The following NAA15 variants were observed in gnomAD, a reference collection of about 807,000 sequenced individuals.
NAA15 encodes the protein N-alpha-acetyltransferase 15, NatA auxiliary subunit, also known as N-terminal acetyltransferase.
A neutral mutation model predicts 114.0 loss-of-function variants in NAA15; 34 were observed. The ratio of observed to expected loss-of-function variants is 0.30; its 90% CI spans 0.23 to 0.40. The LOEUF (loss-of-function observed/expected upper bound fraction) is 0.40, where lower values mean the gene tolerates loss of function less well. Among genes scored for constraint, NAA15 ranks in the 10% least tolerant of loss-of-function variants. NAA15 has a pLI of 1.00. For synonymous variants in NAA15, 340 were observed against 338.0 expected, an observed-to-expected ratio of 1.01 and a Z score of -0.06; for missense variants, 658 against 1,004.5, an observed-to-expected ratio of 0.66 and a Z score of 4.66.
intron 15 of NAA15, 35 bp downstream of exon 15, chr4:139,370,439 C>G: frequency 6.7e-7 from 1 of 1,491,166 alleles, no homozygotes; most frequent in Non-Finnish European, 8.9e-7. Flanking sequence ...AATTGAGTGA[C>G]ATTTTATGAC....
At chr4:139,363,959 C>T (rs1358126592) in intron 14 of NAA15, among the ~76,000 whole-genome samples, 6 of 152,238 alleles carry the variant, frequency 3.9e-5, no homozygotes, top group African/African-American at 9.6e-5. Flanking sequence ...TAGCTCACTG[C>T]AGCCTTGAGC....
At chr4:139,358,265 T>C (rs369627157) in intron 11 of NAA15, among the ~76,000 whole-genome samples, 2 of 151,476 alleles carry the variant, frequency 1.3e-5, no homozygotes, top group East Asian at 3.9e-4. Context: ...CGATCTCAGC[T>C]CCCTGCAATG....
chr4:139,318,888 G>A (rs1338445173), intron 1 of NAA15, among the ~76,000 whole-genome samples: 1 of 151,106 alleles, frequency 6.6e-6, no homozygotes, highest in African/African-American at 2.4e-5. Context: ...ATAAGTAACA[G>A]CTAAAAGAAC....
chr4:139,376,459 T>C lies in NAA15; in HGVS notation c.2042T>C (p.Ile681Thr). The C allele has an allele frequency of 6.2e-7, 1 of 1,607,776 alleles. No homozygotes were observed. The highest frequency in any genetic ancestry group is 8.5e-7 in the Non-Finnish European group (1 of 1,174,534). ...GAGACTCATCTTTTTGCCTTTGAGATTTACTTTAGGAAAGGTAGGCAATTA... is the reference window on the plus strand; with the variant it reads ...GAGACTCATCTTTTTGCCTTTGAGACTTACTTTAGGAAAGGTAGGCAATTA... ...KIETHLFAFE[I>T]YFRKEKFLLM... Residue 681 changes from isoleucine to threonine, a missense_variant, in exon 16 of 20, where the codon ATT becomes ACT. Ile to Thr is a moderately conservative substitution (Grantham distance 89). This residue lies in a region of NAA15 where 275 missense variants were observed against 371.1 expected (regional missense o/e 0.74). Transcript: ENST00000296543.
chr4:139,346,021 G>A (rs899095025), intron 6 of NAA15, among the ~76,000 whole-genome samples: 1 of 152,134 alleles, frequency 6.6e-6, no homozygotes, highest in African/African-American at 2.4e-5. Context: ...GTGCCGGTAG[G>A]TGAAATGGGA....
At chr4:139,387,500 T>C (rs1032536521) in intron 19 of NAA15, among the ~76,000 whole-genome samples, 5 of 152,328 alleles carry the variant, frequency 3.3e-5, no homozygotes, top group African/African-American at 1.2e-4. Context: ...TGTGCAGTAA[T>C]TGGTATTGGC....
At chr4:139,370,723 C>T (rs1223238087) in intron 15 of NAA15, among the ~76,000 whole-genome samples, 3 of 152,154 alleles carry the variant, frequency 2.0e-5, no homozygotes, top group East Asian at 3.8e-4. Context: ...TTTGTCTAAC[C>T]TCTCTGATGG....
At chr4:139,376,931 G>C (rs1179245961) in intron 16 of NAA15, among the ~76,000 whole-genome samples, 1 of 152,190 alleles carries the variant, frequency 6.6e-6, no homozygotes, top group Non-Finnish European at 1.5e-5. Context: ...TATCTGTTAA[G>C]AAAACATAGG....
intron 3 of NAA15, among the ~76,000 whole-genome samples, 168 bp from the exon 4 acceptor site, chr4:139,340,744 C>A (rs1252547011): frequency 1.3e-5 from 2 of 152,170 alleles, no homozygotes; most frequent in South Asian, 4.1e-4. Flanking sequence ...GTGCTCTTTT[C>A]CACTGTATTA....
chr4:139,316,156 C>T (rs1746404961), intron 1 of NAA15, among the ~76,000 whole-genome samples: 1 of 151,806 alleles, frequency 6.6e-6, no homozygotes. Context: ...TAAAGCTCAT[C>T]ATCTAGTAGA....
At chr4:139,344,155 T>A in intron 5 of NAA15, 31 bp from the exon 6 acceptor site, 1 of 1,520,372 alleles carries the variant, frequency 6.6e-7, no homozygotes, top group Non-Finnish European at 8.9e-7. Flanking sequence ...ATAAAATTCT[T>A]ACTGTCAGTA....
intron 1 of NAA15, among the ~76,000 whole-genome samples, chr4:139,322,942 T>C (rs1746669495): frequency 6.6e-6 from 1 of 151,256 alleles, no homozygotes; most frequent in Non-Finnish European, 1.5e-5. Context: ...CCGCCCACCT[T>C]GTCCTCCCCA....
intron 11 of NAA15, among the ~76,000 whole-genome samples, chr4:139,359,319 G>A (rs1000599943): frequency 6.6e-6 from 1 of 151,688 alleles, no homozygotes; most frequent in Non-Finnish European, 1.5e-5. Flanking sequence ...GTAGAGATGG[G>A]GTTTCACCAT....
intron 17 of NAA15, among the ~76,000 whole-genome samples, chr4:139,383,671 A>T (rs1332925437): frequency 1.3e-5 from 2 of 152,242 alleles, no homozygotes; most frequent in East Asian, 3.9e-4. Flanking sequence ...GGGTTTCGCC[A>T]TGTTGGCCAG....
intron 6 of NAA15, among the ~76,000 whole-genome samples, chr4:139,346,817 A>G (rs571054829): frequency 2.6e-5 from 4 of 152,220 alleles, no homozygotes; most frequent in Non-Finnish European, 4.4e-5. Context: ...CACCGCACCC[A>G]GCCTAGGCAA....
intron 1 of NAA15, among the ~76,000 whole-genome samples, chr4:139,311,735 C>A (rs2110836997): frequency 6.6e-6 from 1 of 151,936 alleles, no homozygotes; most frequent in Non-Finnish European, 1.5e-5. Flanking sequence ...CCGATTCTGA[C>A]ACGAAGTCAG....
intron 1 of NAA15, among the ~76,000 whole-genome samples, chr4:139,315,125 C>T (rs148330663): frequency 2.0e-5 from 3 of 150,984 alleles, no homozygotes; most frequent in South Asian, 2.1e-4. Flanking sequence ...TGCAGTGGCG[C>T]GATCCCGGCT....
At chr4:139,315,524 A>C (rs1244385564) in intron 1 of NAA15, among the ~76,000 whole-genome samples, 1 of 151,858 alleles carries the variant, frequency 6.6e-6, no homozygotes. Context: ...TCTCAAGAAC[A>C]ACAATAACAA....
chr4:139,341,143 T>C, intron 4 of NAA15, 74 bp downstream of exon 4: 4 of 1,064,112 alleles, frequency 3.8e-6, no homozygotes, highest in Non-Finnish European at 5.1e-6. Context: ...TTCAGATACA[T>C]AAATTTTTTA....
Sources: allele counts gnomAD v4.1 joint callset (sites outside exome capture counted in the v4.1 genomes callset), GRCh38; gene constraint gnomAD v4.1.1; regional missense constraint gnomAD v4.1.1; transcripts MANE v1.5; gene names NCBI Gene and HGNC (gene_info 2026-07-23, HGNC 2026-07-21).